The following GALNT14 variants were observed in gnomAD, a reference collection of about 807,000 sequenced individuals.
GALNT14 encodes the protein UDP-GalNAc:polypeptide N-acetylgalactosaminyltransferase 14.
A neutral mutation model predicts 77.5 loss-of-function variants in GALNT14; 60 were observed. The observed-to-expected ratio is 0.77, with a 90% CI of 0.63 to 0.96. GALNT14 has a LOEUF of 0.96. GALNT14 is among the 40% of genes least tolerant of loss of function. The pLI, the probability that GALNT14 is intolerant of heterozygous loss-of-function variation, is 0.00. For missense variants in GALNT14, 710 were observed against 731.0 expected, an observed-to-expected ratio of 0.97 and a Z score of 0.33; for synonymous variants, 280 against 281.7, an observed-to-expected ratio of 0.99 and a Z score of 0.06.
chr2:31,120,122 C>G lies in GALNT14; in HGVS notation c.129+17836G>C, dbSNP rs905572962. 7.3e-5 allele frequency among the ~76,000 whole-genome samples: 5 copies of G among 68,364 alleles called. 1 individual carries two copies. The highest frequency in any genetic ancestry group is 2.0e-4 in the Non-Finnish European group (5 of 25,076). 44.8% of individuals were successfully genotyped at this position (68,364 alleles called of 152,430 possible). ...AGTGAGCCGAGATCGCGCCACTGCA[C>G]TCCAGCCTGGGCGACAGAGCGAGAC... On this transcript the variant is annotated intron_variant, in intron 1 of 14. Coordinates refer to ENST00000349752, the MANE Select transcript of GALNT14 (RefSeq NM_024572.4).
At position 31,086,094 on chromosome 2, in the gene GALNT14, A is replaced by T. The variant is rs1466589828; in HGVS notation, c.129+51864T>A. On this transcript the variant is annotated intron_variant, in intron 1 of 14. Transcript: ENST00000349752. ...GACATGTGGGGATTATGGGAGCTAC[A>T]ATTTAAGATGAGATTTGGGTGGGGA... Among the ~76,000 whole-genome samples, 69 of 152,224 alleles carry T rather than the reference A, an allele frequency of 4.5e-4. 2 individuals carry two copies. The highest frequency in any genetic ancestry group is 4.4e-3 in the Admixed American group (68 of 15,284).
At chr2:31,090,481 CTTTTT>C (rs70962302) in intron 1 of GALNT14, among the ~76,000 whole-genome samples, 2 of 93,242 alleles carry the variant, frequency 2.1e-5, no homozygotes, top group African/African-American at 4.5e-5. Flanking sequence ...GTCCCTTCAT[CTTTTT>C]TTTTTTTTTT....
intron 1 of GALNT14, among the ~76,000 whole-genome samples, chr2:31,086,252 C>T (rs2148591153): frequency 6.6e-6 from 1 of 152,336 alleles, no homozygotes; most frequent in Non-Finnish European, 1.5e-5. Flanking sequence ...TAGCACTCAA[C>T]TTGCGGCTAC....
chr2:30,890,433 T>C, the GALNT14 span, among the ~76,000 whole-genome samples: 3 of 152,204 alleles, frequency 2.0e-5, no homozygotes, highest in African/African-American at 7.2e-5. Context: ...GAAATGGGGA[T>C]AATCATGTCT....
chr2:30,898,624 C>A, the GALNT14 span, among the ~76,000 whole-genome samples: 1 of 152,210 alleles, frequency 6.6e-6, no homozygotes, highest in African/African-American at 2.4e-5. Flanking sequence ...TATTATCTAC[C>A]ACCAGAGCCC....
intron 1 of GALNT14, among the ~76,000 whole-genome samples, chr2:31,112,875 G>A (rs1163637713): frequency 6.6e-6 from 1 of 152,182 alleles, no homozygotes; most frequent in Admixed American, 6.5e-5. Flanking sequence ...CTTTGTGATG[G>A]ATTAAACCTA....
intron 1 of GALNT14, among the ~76,000 whole-genome samples, chr2:31,018,373 G>A (rs537925355): frequency 1.9e-4 from 29 of 152,370 alleles, no homozygotes; most frequent in Admixed American, 1.6e-3. Context: ...GTTCCACAGG[G>A]CTAGGGAGGT....
chr2:30,959,406 C>G (rs921859514), intron 3 of GALNT14, among the ~76,000 whole-genome samples: 1 of 152,240 alleles, frequency 6.6e-6, no homozygotes, highest in Admixed American at 6.5e-5. Flanking sequence ...ACTATTCCCT[C>G]GAGGGATATT....
intron 1 of GALNT14, among the ~76,000 whole-genome samples, chr2:31,060,887 G>A (rs761889505): frequency 5.3e-5 from 8 of 152,176 alleles, no homozygotes; most frequent in Non-Finnish European, 8.8e-5. Context: ...GCAGTGTGAT[G>A]GGCTTCTATG....
intron 6 of GALNT14, among the ~76,000 whole-genome samples, chr2:30,947,712 T>C (rs1049829322): frequency 3.3e-5 from 5 of 152,238 alleles, no homozygotes; most frequent in African/African-American, 1.2e-4. Flanking sequence ...CTGTTTCTCC[T>C]TGAAGCCATT....
At chr2:30,911,929 T>A (rs1232689128) in intron 14 of GALNT14, among the ~76,000 whole-genome samples, 1 of 152,084 alleles carries the variant, frequency 6.6e-6, no homozygotes, top group African/African-American at 2.4e-5. Flanking sequence ...TTGTTTGGGA[T>A]CCCACGTGGG....
chr2:31,100,280 A>T lies in GALNT14; in HGVS notation c.129+37678T>A, dbSNP rs554184872. On this transcript the variant is annotated intron_variant, in intron 1 of 14. Transcript: ENST00000349752. The stretch of plus-strand genomic sequence containing the variant: ...TTTTGTTATAACTTTGATGAGAAAA[A>T]AACCAGTTTTGTTACATGTCATTTT... Among the ~76,000 whole-genome samples, 8 of 152,138 alleles carry T rather than the reference A, an allele frequency of 5.3e-5. No individual in the cohort carries two copies. The East Asian group carries it at 1.4e-3, about 26-fold the overall frequency.
intron 3 of GALNT14, among the ~76,000 whole-genome samples, chr2:30,961,083 T>C (rs1337963397): frequency 6.6e-6 from 1 of 152,204 alleles, no homozygotes; most frequent in East Asian, 1.9e-4. Flanking sequence ...CAGTGTAGGC[T>C]CAGAGGCCAG....
At chr2:31,020,087 T>C (rs1671621478) in intron 1 of GALNT14, among the ~76,000 whole-genome samples, 1 of 152,086 alleles carries the variant, frequency 6.6e-6, no homozygotes, top group Admixed American at 6.5e-5. Context: ...ATCTCAGCCA[T>C]GTGGCCCCTT....
chr2:31,091,853 C>T (rs1676758974), intron 1 of GALNT14, among the ~76,000 whole-genome samples: 1 of 152,086 alleles, frequency 6.6e-6, no homozygotes, highest in East Asian at 1.9e-4. Context: ...GAGGGTGTTG[C>T]CAAGGAGATG....
At position 31,095,993 on chromosome 2, in the gene GALNT14, G is replaced by A. The variant is rs1178103496; in HGVS notation, c.129+41965C>T. Among the ~76,000 whole-genome samples, 3 of 152,108 alleles carry A rather than the reference G, an allele frequency of 2.0e-5. 1 individual carries two copies. Among genetic ancestry groups the A allele is most frequent in the Admixed American group, 1.3e-4 (2 of 15,268 alleles). On this transcript the variant is annotated intron_variant, in intron 1 of 14. Coordinates refer to ENST00000349752, the MANE Select transcript of GALNT14 (RefSeq NM_024572.4). Reference sequence around the variant, plus strand: ...GTGCGTTCCTTCTAGAGGCTCTTAGGAGAGATTCTGTTTCCTTCTCTTTTC... The same window carrying A: ...GTGCGTTCCTTCTAGAGGCTCTTAGAAGAGATTCTGTTTCCTTCTCTTTTC...
intron 13 of GALNT14, 23 bp downstream of exon 13, chr2:30,924,096 G>T (rs769818968): frequency 1.2e-6 from 2 of 1,613,990 alleles, no homozygotes; most frequent in Non-Finnish European, 1.7e-6. Context: ...ACATGGTCCT[G>T]TATGCCCAGC....
chr2:31,060,684 T>C (rs1558536100), intron 1 of GALNT14, among the ~76,000 whole-genome samples: 1 of 151,992 alleles, frequency 6.6e-6, no homozygotes, highest in Non-Finnish European at 1.5e-5. Context: ...GCAGCTGGGG[T>C]GATGTGTTTA....
chr2:30,911,062 G>A lies in GALNT14; in HGVS notation c.1501-3C>T. The stretch of plus-strand genomic sequence containing the variant: ...TGGGAACCAGTTTTGGTCCATTGCT[G>A]GTAAGACAAAGAAGAGAGTGAATGA... On this transcript the variant is annotated splice_region_variant and splice_polypyrimidine_tract_variant and intron_variant, in intron 14 of 14. Transcript: ENST00000349752. The A allele has an allele frequency of 6.2e-7, 1 of 1,613,282 alleles. No homozygotes were observed. The highest frequency in any genetic ancestry group is 8.5e-7 in the Non-Finnish European group (1 of 1,179,626).
Sources: allele counts gnomAD v4.1 joint callset (sites outside exome capture counted in the v4.1 genomes callset), GRCh38; gene constraint gnomAD v4.1.1; transcripts MANE v1.5; gene names NCBI Gene and HGNC (gene_info 2026-07-23, HGNC 2026-07-21).